The following REDIC1 variants were observed in gnomAD, a reference collection of about 807,000 sequenced individuals.
REDIC1 encodes the protein HEI10 Interacting Protein 1.
the REDIC1 span, among the ~76,000 whole-genome samples, chr12:39,775,201 TAC>T: frequency 6.6e-6 from 1 of 152,224 alleles, no homozygotes; most frequent in East Asian, 1.9e-4. Context: ...GCAATTAAGG[TAC>T]AACTGAATAA....
At chr12:39,648,110 G>C in the REDIC1 span, 2 of 581,506 alleles carry the variant, frequency 3.4e-6, no homozygotes, top group Middle Eastern at 5.1e-4. Context: ...GATAAATTAA[G>C]GTTCATTCCC....
At chr12:39,755,050 AT>A in the REDIC1 span, 1 of 152,118 alleles carries the variant, frequency 6.6e-6, no homozygotes, top group Non-Finnish European at 1.5e-5. Flanking sequence ...TTTAACTTTT[AT>A]TTGATTATTT....
chr12:39,870,262 T>G, the REDIC1 span, among the ~76,000 whole-genome samples: 1 of 152,178 alleles, frequency 6.6e-6, no homozygotes, highest in Non-Finnish European at 1.5e-5. Flanking sequence ...GTGTCATCCA[T>G]TAAAAATATT....
At chr12:39,693,009 TTC>T in the REDIC1 span, among the ~76,000 whole-genome samples, 1 of 152,238 alleles carries the variant, frequency 6.6e-6, no homozygotes, top group Non-Finnish European at 1.5e-5. Context: ...TAATTTATAT[TTC>T]TCTGATTACT....
At chr12:39,669,551 G>A in the REDIC1 span, among the ~76,000 whole-genome samples, 330 of 152,344 alleles carry the variant, frequency 2.2e-3, 1 homozygote, top group African/African-American at 7.6e-3. Flanking sequence ...CCAGCTGCGT[G>A]CTGGGAGAAC....
At chr12:39,642,577 T>A in the REDIC1 span, among the ~76,000 whole-genome samples, 1 of 151,758 alleles carries the variant, frequency 6.6e-6, no homozygotes, top group African/African-American at 2.4e-5. Context: ...GCCTTTGTAC[T>A]TTGTACAGAT....
At chr12:39,858,901 C>G in the REDIC1 span, among the ~76,000 whole-genome samples, 1 of 152,042 alleles carries the variant, frequency 6.6e-6, no homozygotes, top group African/African-American at 2.4e-5. Context: ...GCACCGTGCC[C>G]GACCGTTTTT....
At chr12:39,827,205 C>T in the REDIC1 span, among the ~76,000 whole-genome samples, 104,189 of 151,610 alleles carry the variant, frequency 0.69, 36,290 homozygotes, top group African/African-American at 0.79. Flanking sequence ...TATTTGTTTA[C>T]GTTTCTCAAC....
chr12:39,647,842 A>G, the REDIC1 span: 15 of 1,606,042 alleles, frequency 9.3e-6, no homozygotes, highest in African/African-American at 1.6e-4. Context: ...TCAGCAAAAT[A>G]GAGAACTGCA....
At chr12:39,666,845 T>G in the REDIC1 span, among the ~76,000 whole-genome samples, 2 of 152,244 alleles carry the variant, frequency 1.3e-5, no homozygotes, top group Admixed American at 1.3e-4. Context: ...TTTTCTAGTT[T>G]ATTTGCGTAG....
the REDIC1 span, among the ~76,000 whole-genome samples, chr12:39,810,578 T>G: frequency 6.4e-4 from 98 of 152,288 alleles, no homozygotes; most frequent in Non-Finnish European, 1.2e-3. Context: ...GAAAATAATA[T>G]TTTGCTATTA....
At chr12:39,841,112 C>T in the REDIC1 span, among the ~76,000 whole-genome samples, 3 of 152,062 alleles carry the variant, frequency 2.0e-5, no homozygotes, top group African/African-American at 7.2e-5. Context: ...CACGTTGAGG[C>T]TAAGATTCAA....
the REDIC1 span, among the ~76,000 whole-genome samples, chr12:39,877,698 A>G: frequency 1.3e-5 from 2 of 152,256 alleles, no homozygotes; most frequent in African/African-American, 4.8e-5. Context: ...GTGAATTCCA[A>G]TGTTTACAGA....
At chr12:39,809,732 C>T in the REDIC1 span, among the ~76,000 whole-genome samples, 118,413 of 151,794 alleles carry the variant, frequency 0.78, 46,388 homozygotes, top group Non-Finnish European at 0.82. Flanking sequence ...GTTCAGTTCC[C>T]ACCTATGAGT....
At chr12:39,684,533 G>A in the REDIC1 span, among the ~76,000 whole-genome samples, 2 of 152,104 alleles carry the variant, frequency 1.3e-5, no homozygotes, top group Admixed American at 6.6e-5. Context: ...TTGTATTTTT[G>A]TTGTTATATC....
the REDIC1 span, among the ~76,000 whole-genome samples, chr12:39,878,305 G>A: frequency 2.0e-5 from 3 of 152,230 alleles, no homozygotes; most frequent in African/African-American, 7.2e-5. Context: ...GAGGTTGGAA[G>A]AATTTGGAGG....
chr12:39,678,555 TAAAG>T, the REDIC1 span, among the ~76,000 whole-genome samples: 1 of 118,264 alleles, frequency 8.5e-6, no homozygotes, highest in East Asian at 2.4e-4. Flanking sequence ...TTCCAAAAGA[TAAAG>T]AGAGAATCCT....
At chr12:39,711,407 A>T in the REDIC1 span, among the ~76,000 whole-genome samples, 6 of 140,598 alleles carry the variant, frequency 4.3e-5, no homozygotes, top group African/African-American at 7.7e-5. Context: ...ATACACATAG[A>T]TGTATATATG....
At chr12:39,852,528 T>C in the REDIC1 span, among the ~76,000 whole-genome samples, 2 of 152,224 alleles carry the variant, frequency 1.3e-5, no homozygotes, top group African/African-American at 4.8e-5. Flanking sequence ...TGGCTGCCCA[T>C]TGCTAGTACC....
Sources: allele counts gnomAD v4.1 joint callset (sites outside exome capture counted in the v4.1 genomes callset), GRCh38; gene constraint gnomAD v4.1.1; transcripts MANE v1.5; gene names NCBI Gene and HGNC (gene_info 2026-07-23, HGNC 2026-07-21).